Variants in DENND1A observed in about 807,000 individuals in gnomAD.
The protein encoded by DENND1A is DENN domain-containing protein 1A.
In DENND1A, 51 loss-of-function variants were observed where a neutral mutation model predicts 113.7. The ratio of observed to expected loss-of-function variants is 0.45; its 90% CI spans 0.36 to 0.57. The LOEUF is 0.57. DENND1A is among the 20% of genes least tolerant of loss of function. The pLI is 0.00. For missense variants in DENND1A, 1,258 were observed against 1,395.9 expected, an observed-to-expected ratio of 0.90 and a Z score of 1.57; for synonymous variants, 565 against 570.8, an observed-to-expected ratio of 0.99 and a Z score of 0.14.
chr9:123,582,987 C>A (rs533930014), intron 12 of DENND1A, among the ~76,000 whole-genome samples, 182 bp downstream of exon 12: 1 of 152,218 alleles, frequency 6.6e-6, no homozygotes. Context: ...GTGTGAGCCA[C>A]CATGCCTGGC....
chr9:123,700,997 C>G (rs2065851297), intron 5 of DENND1A, among the ~76,000 whole-genome samples: 1 of 152,170 alleles, frequency 6.6e-6, no homozygotes, highest in African/African-American at 2.4e-5. Context: ...TTTGAACTTA[C>G]AATTTTAATA....
chr9:123,382,772 TC>T (rs923373646), intron 23 of DENND1A, 147 bp from the exon 24 acceptor site: 10 of 839,254 alleles, frequency 1.2e-5, no homozygotes, highest in Admixed American at 9.3e-5. Flanking sequence ...AGCTGAGGGC[TC>T]CCCCAGGTTA....
At chr9:123,771,620 T>G (rs1829746476) in intron 3 of DENND1A, among the ~76,000 whole-genome samples, 1 of 152,176 alleles carries the variant, frequency 6.6e-6, no homozygotes, top group African/African-American at 2.4e-5. Context: ...AGGACCCCCT[T>G]GGCTACGAGA....
intron 21 of DENND1A, among the ~76,000 whole-genome samples, chr9:123,398,920 T>C (rs2043281920): frequency 6.6e-6 from 1 of 151,362 alleles, no homozygotes; most frequent in Non-Finnish European, 1.5e-5. Context: ...TCAGCCTCCC[T>C]AGTAACTGGG....
intron 13 of DENND1A, among the ~76,000 whole-genome samples, chr9:123,552,711 T>C (rs2057170376): frequency 6.6e-6 from 1 of 152,224 alleles, no homozygotes; most frequent in Admixed American, 6.5e-5. Flanking sequence ...CTGCCCCCAG[T>C]GACCTACTGT....
intron 2 of DENND1A, among the ~76,000 whole-genome samples, chr9:123,863,982 C>T (rs1170615552): frequency 6.7e-6 from 1 of 148,450 alleles, no homozygotes; most frequent in East Asian, 1.9e-4. Context: ...CTCCATATTG[C>T]TTCACTCAAA....
intron 6 of DENND1A, among the ~76,000 whole-genome samples, chr9:123,673,157 T>C (rs887125909): frequency 2.6e-5 from 4 of 152,264 alleles, no homozygotes; most frequent in Admixed American, 2.0e-4. Flanking sequence ...CTTTCATCAA[T>C]TGATTAATTC....
intron 13 of DENND1A, among the ~76,000 whole-genome samples, chr9:123,518,696 C>T (rs2054140943): frequency 6.6e-6 from 1 of 152,156 alleles, no homozygotes; most frequent in South Asian, 2.1e-4. Context: ...CTGATCCCAT[C>T]TCCAAAAAAG....
chr9:123,471,967 T>C (rs2049463288), intron 13 of DENND1A, among the ~76,000 whole-genome samples: 1 of 152,210 alleles, frequency 6.6e-6, no homozygotes, highest in African/African-American at 2.4e-5. Flanking sequence ...GCCCAGGGGC[T>C]CTGAAGAAAT....
chr9:123,604,521 T>C (rs1231827509), intron 11 of DENND1A, among the ~76,000 whole-genome samples: 2 of 152,200 alleles, frequency 1.3e-5, no homozygotes, highest in East Asian at 1.9e-4. Flanking sequence ...CAGAAAGGAA[T>C]GTATATTGTG....
chr9:123,767,678 G>A (rs1419327231), intron 4 of DENND1A, among the ~76,000 whole-genome samples: 2 of 152,118 alleles, frequency 1.3e-5, no homozygotes, highest in Non-Finnish European at 2.9e-5. Context: ...ACACACACCT[G>A]CACATGTGTG....
intron 3 of DENND1A, among the ~76,000 whole-genome samples, chr9:123,780,806 G>A (rs973663117): frequency 2.6e-5 from 4 of 152,082 alleles, no homozygotes; most frequent in Non-Finnish European, 4.4e-5. Flanking sequence ...TTTTCTTGGG[G>A]CGGCTGTGGG....
chr9:123,624,298 C>A lies in DENND1A; in HGVS notation c.719+6078G>T, dbSNP rs2061096704. On this transcript the variant is annotated intron_variant, in intron 10 of 23. Transcript: ENST00000394215. ...CTGGCTCTTACCACCAAGGATTAAA[C>A]TCAATGGTGGTGAAAGTTACTGGGC... Among the ~76,000 whole-genome samples, 3 of 152,298 alleles carry A rather than the reference C, an allele frequency of 2.0e-5. No individual in the cohort carries two copies. The South Asian group carries it at 6.2e-4, about 32-fold the overall frequency.
At chr9:123,414,695 T>C in intron 19 of DENND1A, 1 of 1,429,068 alleles carries the variant, frequency 7.0e-7, no homozygotes, top group Non-Finnish European at 9.6e-7. Context: ...CAAGTTTATT[T>C]GAACATAGAC....
chr9:123,390,733 T>G (rs1009654591), intron 21 of DENND1A, among the ~76,000 whole-genome samples: 2 of 152,174 alleles, frequency 1.3e-5, no homozygotes, highest in Non-Finnish European at 2.9e-5. Flanking sequence ...GCCCGGATGG[T>G]CCACCCCCAG....
chr9:123,710,260 T>C (rs934633267), intron 5 of DENND1A, among the ~76,000 whole-genome samples: 1 of 152,248 alleles, frequency 6.6e-6, no homozygotes, highest in African/African-American at 2.4e-5. Context: ...ACTAGGGTAT[T>C]GTGATATAAG....
intron 1 of DENND1A, among the ~76,000 whole-genome samples, chr9:123,902,063 C>A (rs1851727699): frequency 6.6e-6 from 1 of 151,752 alleles, no homozygotes; most frequent in South Asian, 2.1e-4. Context: ...AAGAAAATAT[C>A]CAAATATCGG....
At chr9:123,876,266 T>G (rs530009575) in intron 2 of DENND1A, among the ~76,000 whole-genome samples, 9 of 152,212 alleles carry the variant, frequency 5.9e-5, no homozygotes, top group Admixed American at 5.9e-4. Context: ...TGAAAGGAAG[T>G]AAACTGACAT....
intron 12 of DENND1A, among the ~76,000 whole-genome samples, chr9:123,579,554 T>C (rs2058787557): frequency 6.6e-6 from 1 of 152,148 alleles, no homozygotes; most frequent in African/African-American, 2.4e-5. Context: ...TTGAGTCTGC[T>C]GGTAATAATG....
Sources: allele counts gnomAD v4.1 joint callset (sites outside exome capture counted in the v4.1 genomes callset), GRCh38; gene constraint gnomAD v4.1.1; transcripts MANE v1.5; gene names NCBI Gene and HGNC (gene_info 2026-07-23, HGNC 2026-07-21).